RBFOX1: variants seen among roughly 807,000 people sequenced by gnomAD.
RBFOX1 encodes the protein RNA binding protein fox-1 homolog 1.
RBFOX1 carries 8 observed loss-of-function variants against 57.7 expected under a neutral mutation model. That is an observed-to-expected ratio of 0.14 (90% CI 0.08 to 0.25). RBFOX1 has a LOEUF of 0.25. Ranked by LOEUF, RBFOX1 falls within the 10% of genes least tolerant of loss-of-function variation. The pLI, the probability that RBFOX1 is intolerant of heterozygous loss-of-function variation, is 1.00. For missense variants in RBFOX1, 611 were observed against 548.5 expected (o/e 1.11, Z -1.14); for synonymous variants, 326 against 222.4 (o/e 1.47, Z -4.15).
intron 4 of RBFOX1, among the ~76,000 whole-genome samples, chr16:5,905,862 G>A (rs2058443730): frequency 6.6e-6 from 1 of 152,140 alleles, no homozygotes. Context: ...TGCCTCCTCC[G>A]GAAGCCTTCC....
At chr16:7,062,231 A>G (rs2054542434) in intron 4 of RBFOX1, among the ~76,000 whole-genome samples, 1 of 149,562 alleles carries the variant, frequency 6.7e-6, no homozygotes, top group African/African-American at 2.5e-5. Flanking sequence ...AGGCAGGAGA[A>G]TGCCGTGAAC....
chr16:5,526,994 A>G (rs934130547), intron 2 of RBFOX1, among the ~76,000 whole-genome samples: 1 of 152,208 alleles, frequency 6.6e-6, no homozygotes, highest in Non-Finnish European at 1.5e-5. Flanking sequence ...GGAGGCTTAA[A>G]GGGATTAATG....
In RBFOX1 at chr16:7,608,533, G is replaced by A. The variant is rs113372982; in HGVS notation, c.676+1195G>A. Among the ~76,000 whole-genome samples the A allele has an allele frequency of 1.2e-3, 176 of 152,270 alleles. 3 individuals are homozygous for A. The highest frequency in any genetic ancestry group is 3.8e-3 in the African/African-American group (156 of 41,566). ...CTCTTGTGGGGGAAGAGACTTAGCCGTCAGGCTTTCCATGATCATATTGCA... is the reference window on the plus strand; with the variant it reads ...CTCTTGTGGGGGAAGAGACTTAGCCATCAGGCTTTCCATGATCATATTGCA... On this transcript the variant is annotated intron_variant, in intron 10 of 15. Transcript: ENST00000550418.
chr16:7,392,562 A>C (rs1036009004), intron 4 of RBFOX1, among the ~76,000 whole-genome samples: 3 of 152,048 alleles, frequency 2.0e-5, no homozygotes, highest in Non-Finnish European at 4.4e-5. Flanking sequence ...GTTCATATTT[A>C]TTTACCTCCT....
chr16:5,908,204 A>ACACATATATATACATATATATG (rs1555443862), intron 4 of RBFOX1, among the ~76,000 whole-genome samples: 12,194 of 120,196 alleles, frequency 0.1, 496 homozygotes, highest in South Asian at 0.24. Context: ...ATACATATAC[A>ACACATATATATACATATATATG]CACATATATA....
At chr16:7,709,268 C>A (rs1250860181) in intron 15 of RBFOX1, 137 bp downstream of exon 15, 5 of 947,294 alleles carry the variant, frequency 5.3e-6, no homozygotes, top group African/African-American at 3.3e-5. Flanking sequence ...AGCTAAAATG[C>A]CACATTAATC....
intron 4 of RBFOX1, among the ~76,000 whole-genome samples, chr16:7,420,686 G>A (rs972292013): frequency 2.0e-5 from 3 of 150,682 alleles, no homozygotes; most frequent in Admixed American, 1.3e-4. Context: ...TTGATAAATA[G>A]CAGTAATTGG....
chr16:5,846,020 A>G (rs2056747414), intron 3 of RBFOX1, among the ~76,000 whole-genome samples: 1 of 152,096 alleles, frequency 6.6e-6, no homozygotes, highest in South Asian at 2.1e-4. Context: ...TAAAAATACA[A>G]AAATTACCCA....
chr16:7,394,828 C>G lies in RBFOX1; in HGVS notation c.28-123319C>G, dbSNP rs1303039627. On this transcript the variant is annotated intron_variant, in intron 4 of 15. Transcript: ENST00000550418. The stretch of plus-strand genomic sequence containing the variant: ...TGCTGCAGACTCATCCAGGATTCCT[C>G]TGCCTTATTGTTTTTCAATCCGTCT... 2.6e-5 allele frequency among the ~76,000 whole-genome samples: 4 copies of G among 152,200 alleles called. No homozygotes were observed. In the East Asian group the frequency reaches 7.7e-4, roughly 29 times the overall value.
chr16:6,674,786 C>T (rs557343544), intron 3 of RBFOX1, among the ~76,000 whole-genome samples: 1 of 152,322 alleles, frequency 6.6e-6, no homozygotes, highest in South Asian at 2.1e-4. Flanking sequence ...AGGAAGGATT[C>T]TTTCCTAGAG....
At chr16:6,587,668 G>A (rs1053615028) in intron 2 of RBFOX1, among the ~76,000 whole-genome samples, 1 of 152,070 alleles carries the variant, frequency 6.6e-6, no homozygotes, top group African/African-American at 2.4e-5. Context: ...ATCTACTAGG[G>A]TAGAGGTTTT....
At chr16:5,867,449 G>T in intron 4 of RBFOX1, 1 of 753,986 alleles carries the variant, frequency 1.3e-6, no homozygotes, top group Non-Finnish European at 1.8e-6. Flanking sequence ...TTTCCTGGTG[G>T]CTTGGATGGT....
intron 3 of RBFOX1, among the ~76,000 whole-genome samples, chr16:5,715,496 A>C (rs566571542): frequency 6.6e-6 from 1 of 152,354 alleles, no homozygotes; most frequent in South Asian, 2.1e-4. Flanking sequence ...GAAAACTCTT[A>C]AGATGTATTA....
At chr16:7,314,151 T>C (rs73559846) in intron 4 of RBFOX1, among the ~76,000 whole-genome samples, 3,630 of 152,216 alleles carry the variant, frequency 0.024, 83 homozygotes, top group African/African-American at 0.061. Context: ...GTGAGAATCA[T>C]CAGCACTGAG....
intron 1 of RBFOX1, among the ~76,000 whole-genome samples, chr16:5,271,940 TA>T (rs2151125596): frequency 6.6e-6 from 1 of 152,372 alleles, no homozygotes; most frequent in South Asian, 2.1e-4. Flanking sequence ...CTTTCTTTTT[TA>T]AGGGTTAATA....
At chr16:5,555,592 C>A (rs2045637933) in intron 2 of RBFOX1, among the ~76,000 whole-genome samples, 1 of 152,052 alleles carries the variant, frequency 6.6e-6, no homozygotes, top group South Asian at 2.1e-4. Context: ...TACTTTTGCA[C>A]CAACCTTATA....
intron 4 of RBFOX1, among the ~76,000 whole-genome samples, chr16:7,231,127 G>T (rs1019763869): frequency 2.6e-5 from 4 of 152,174 alleles, no homozygotes; most frequent in Non-Finnish European, 5.9e-5. Context: ...GTTTGGATCA[G>T]ATAGGTTTTG....
intron 2 of RBFOX1, among the ~76,000 whole-genome samples, chr16:6,441,243 C>A (rs768605186): frequency 1.3e-5 from 2 of 152,024 alleles, no homozygotes; most frequent in Non-Finnish European, 2.9e-5. Context: ...CTAAGGGAGG[C>A]AGGTGAAGAG....
intron 1 of RBFOX1, among the ~76,000 whole-genome samples, chr16:5,395,747 C>A (rs2066534584): frequency 6.6e-6 from 1 of 152,196 alleles, no homozygotes; most frequent in South Asian, 2.1e-4. Flanking sequence ...ACTCCATCTT[C>A]CCAGCAGACT....
Sources: allele counts gnomAD v4.1 joint callset (sites outside exome capture counted in the v4.1 genomes callset), GRCh38; gene constraint gnomAD v4.1.1; transcripts MANE v1.5; gene names NCBI Gene and HGNC (gene_info 2026-07-23, HGNC 2026-07-21).